C17orf107: variants seen among roughly 807,000 people sequenced by gnomAD.
The protein encoded by C17orf107 is uncharacterized protein C17orf107.
A neutral mutation model predicts 8.9 loss-of-function variants in C17orf107; 9 were observed. The ratio of observed to expected loss-of-function variants is 1.02; its 90% CI spans 0.61 to 1.77. The LOEUF (loss-of-function observed/expected upper bound fraction) is 1.77, where lower values mean the gene tolerates loss of function less well. Among genes scored for constraint, C17orf107 ranks in the 40% most tolerant of loss-of-function variants. The pLI is 0.00. For missense variants in C17orf107, 281 were observed against 249.0 expected (o/e 1.13, Z -0.86); for synonymous variants, 139 against 120.3 (o/e 1.16, Z -1.02).
Position 4,902,538 on chromosome 17 carries a change from C to T in C17orf107, c.*2005C>T. On this transcript the variant is annotated 3_prime_UTR_variant, in exon 3 of 3. Transcript: ENST00000381365. This position sits in a 1 kb window ranked among gnomAD's most constrained non-coding sequence, Gnocchi z 4.0. ...GATGATTGAAGTGAGATTTCAGGGCCAGAAGTGAGCTTTAGGACAGAGCTC... is the reference window on the plus strand; with the variant it reads ...GATGATTGAAGTGAGATTTCAGGGCTAGAAGTGAGCTTTAGGACAGAGCTC... 1 of 1,613,994 alleles carries T rather than the reference C, an allele frequency of 6.2e-7. No individual in the cohort carries two copies. The highest frequency in any genetic ancestry group is 8.5e-7 in the Non-Finnish European group (1 of 1,179,980).
Position 4,901,577 on chromosome 17 carries a change from G to A in C17orf107, c.*1044G>A, listed in dbSNP as rs2151097801. The A allele has an allele frequency of 1.2e-6, 2 of 1,614,142 alleles. No individual in the cohort carries two copies. Among genetic ancestry groups the A allele is most frequent in the Non-Finnish European group, 8.5e-7 (1 of 1,179,988 alleles). On this transcript the variant is annotated 3_prime_UTR_variant, in exon 3 of 3. Transcript: ENST00000381365. ...TCTTGTTGATGGTCTTGCCGTCGTT[G>A]TCTACGGCAAAAGTGAACTCCACCT...
downstream of C17orf107, among the ~76,000 whole-genome samples, chr17:4,904,276 G>A (rs768822057): frequency 3.3e-5 from 5 of 151,370 alleles, no homozygotes; most frequent in African/African-American, 4.9e-5. Context: ...AGTTCACTGC[G>A]GCTCTCAAAC....
chr17:4,901,639 G>A lies in C17orf107; in HGVS notation c.*1106G>A. 6.2e-7 allele frequency: 1 copy of A among 1,611,740 alleles called. No homozygotes were observed. Among genetic ancestry groups the A allele is most frequent in the South Asian group, 1.1e-5 (1 of 91,056 alleles). On this transcript the variant is annotated 3_prime_UTR_variant, in exon 3 of 3. Transcript: ENST00000381365. ...TACGTCTGAGAGCTGCGGAGCCAGG[G>A]CCGGGAGCCCACCCCAGAAGCTCTG...
At position 4,902,418 on chromosome 17, in the gene C17orf107, A is replaced by G; in HGVS notation, c.*1885A>G. The G allele has an allele frequency of 6.2e-7, 1 of 1,614,188 alleles. No individual in the cohort carries two copies. The highest frequency in any genetic ancestry group is 1.6e-4 in the Middle Eastern group (1 of 6,062). Reference sequence around the variant, plus strand: ...TGGGGGAAAAGGGGTGCCCTGGACAAGACCTCACACCATTCCCCAGATTTG... The same window carrying G: ...TGGGGGAAAAGGGGTGCCCTGGACAGGACCTCACACCATTCCCCAGATTTG... On this transcript the variant is annotated 3_prime_UTR_variant, in exon 3 of 3. Transcript: ENST00000381365. The surrounding 1 kb of genome is among the most constrained non-coding windows in gnomAD (Gnocchi z 4.0).
Position 4,901,891 on chromosome 17 carries a change from C to CGCCCG in C17orf107, c.*1358_*1359insGCCCG, listed in dbSNP as rs1555546936. On this transcript the variant is annotated 3_prime_UTR_variant, in exon 3 of 3. Transcript: ENST00000381365. Reference sequence around the variant, plus strand: ...TTGGCCCCGCCCCATAAGGCCCCCCCCCAACAATAATCGTCCGGGCCTCGG... The same window carrying CGCCCG: ...TTGGCCCCGCCCCATAAGGCCCCCCCGCCCGCCAACAATAATCGTCCGGGCCTCGG... 1 of 1,606,302 alleles carries CGCCCG rather than the reference C, an allele frequency of 6.2e-7. No homozygotes were observed.
Position 4,900,749 on chromosome 17 carries a change from C to CA in C17orf107, c.*217dup. ...GGTCTCTGGGTTTTGGCCACGCCCC[C>CA]ACCCTTCACACTGGCCACACCCCCG... On this transcript the variant is annotated 3_prime_UTR_variant, in exon 3 of 3. Coordinates refer to ENST00000381365, the MANE Select transcript of C17orf107 (RefSeq NM_001145536.2). 1 of 1,577,106 alleles carries CA rather than the reference C, an allele frequency of 6.3e-7. No homozygotes were observed. The highest frequency in any genetic ancestry group is 8.7e-7 in the Non-Finnish European group (1 of 1,155,886).
At position 4,902,911 on chromosome 17, in the gene C17orf107, C is replaced by G; in HGVS notation, c.*2378C>G. 6.3e-7 allele frequency: 1 copy of G among 1,583,732 alleles called. No homozygotes were observed. Among genetic ancestry groups the G allele is most frequent in the Non-Finnish European group, 8.7e-7 (1 of 1,153,090 alleles). ...AAACCAATTATGCTGTGCCTGGGAA[C>G]GAAATACTGTGTCTAAGTCTCCATC... On this transcript the variant is annotated 3_prime_UTR_variant, in exon 3 of 3. Coordinates refer to ENST00000381365, the MANE Select transcript of C17orf107 (RefSeq NM_001145536.2). The surrounding 1 kb of genome is among the most constrained non-coding windows in gnomAD (Gnocchi z 4.0).
Position 4,901,543 on chromosome 17 carries a change from C to T in C17orf107, c.*1010C>T, listed in dbSNP as rs774425374. 1.2e-6 allele frequency: 2 copies of T among 1,614,104 alleles called. No homozygotes were observed. The highest frequency in any genetic ancestry group is 2.2e-5 in the South Asian group (2 of 91,080). On this transcript the variant is annotated 3_prime_UTR_variant, in exon 3 of 3. Coordinates refer to ENST00000381365, the MANE Select transcript of C17orf107 (RefSeq NM_001145536.2). The stretch of plus-strand genomic sequence containing the variant: ...GCTTCACCAGTATAGGCCTCTGTGT[C>T]GATGTCGATCTTGTTGATGGTCTTG...
At position 4,900,150 on chromosome 17, in the gene C17orf107, G is replaced by C; in HGVS notation, c.276+5G>C. The C allele has an allele frequency of 3.2e-6, 5 of 1,548,566 alleles. No individual in the cohort carries two copies. The highest frequency in any genetic ancestry group is 3.3e-4 in the Middle Eastern group (2 of 5,978). On this transcript the variant is annotated splice_donor_5th_base_variant and intron_variant, in intron 2 of 2. Transcript: ENST00000381365. Reference sequence around the variant, plus strand: ...TTCGGCACCACCTTGTTAGAGGTGGGGTACTGGGGGGCTTAGGATACGCGG... The same window carrying C: ...TTCGGCACCACCTTGTTAGAGGTGGCGTACTGGGGGGCTTAGGATACGCGG...
chr17:4,900,517 G>T lies in C17orf107; in HGVS notation c.557G>T (p.Gly186Val). Reference sequence around the variant, plus strand: ...ATCCCCGGAGAACCGGTGAGCTCAGGACACGGGGTGAGTTAGGGGCCAGAG... The same window carrying T: ...ATCCCCGGAGAACCGGTGAGCTCAGTACACGGGGTGAGTTAGGGGCCAGAG... The part of the protein sequence containing the change: ...LGIPGEPVSS[G>V]HGVS The change falls in exon 3 of 3, where the codon GGA becomes GTA. Residue 186 changes from glycine to valine, a missense_variant. Physicochemically the swap from Gly to Val is moderately radical, Grantham distance 109. Transcript: ENST00000381365. 6.4e-7 allele frequency: 1 copy of T among 1,550,846 alleles called. No individual in the cohort carries two copies. Among genetic ancestry groups the T allele is most frequent in the Non-Finnish European group, 8.7e-7 (1 of 1,146,970 alleles).
Position 4,899,643 on chromosome 17 carries a change from CG to C in C17orf107, c.-119del. ...CCTCCCAGCTACCGAAGGCGCCGCG[CG>C]CTGACCTCACAAACACGGCTTCTCC... On this transcript the variant is annotated 5_prime_UTR_variant, in exon 1 of 3. The change abolishes the stop of an existing upstream ORF in the 5' untranslated region. Coordinates refer to ENST00000381365, the MANE Select transcript of C17orf107 (RefSeq NM_001145536.2). The C allele has an allele frequency of 1.4e-6, 2 of 1,465,048 alleles. No individual in the cohort carries two copies. The highest frequency in any genetic ancestry group is 2.4e-5 in the South Asian group (2 of 82,422). The allele number at this position is 1,465,048 out of a possible 1,614,324, so 90.8% of individuals were successfully genotyped here. A position where few individuals can be genotyped will look rare whatever the true frequency, so the allele number is the denominator to read the frequency against.
chr17:4,903,017 C>A (rs746199600), downstream of C17orf107: 1 of 1,614,086 alleles, frequency 6.2e-7, no homozygotes, highest in Admixed American at 1.7e-5. Flanking sequence ...CCTGTCCGTA[C>A]CGAGAAGCCC....
At chr17:4,902,962 T>G (rs1195314820), downstream of C17orf107, 5 of 1,608,776 alleles carry the variant, frequency 3.1e-6, no homozygotes, top group Non-Finnish European at 4.3e-6. This position sits in a 1 kb window ranked among gnomAD's most constrained non-coding sequence, Gnocchi z 4.0. Flanking sequence ...GTCTTCCCAG[T>G]CCCTTCATGT....
chr17:4,903,713 A>T (rs907358500), downstream of C17orf107, among the ~76,000 whole-genome samples: 3 of 152,030 alleles, frequency 2.0e-5, no homozygotes, highest in African/African-American at 7.2e-5. Context: ...TCTGGGTGGG[A>T]GACTTGTTTC....
At position 4,901,333 on chromosome 17, in the gene C17orf107, C is replaced by A. The variant is rs2151097597; in HGVS notation, c.*800C>A. 1.3e-5 allele frequency: 13 copies of A among 1,010,040 alleles called. No homozygotes were observed. In the South Asian group the frequency reaches 1.8e-4, roughly 14 times the overall value. 62.6% of individuals were successfully genotyped at this position (1,010,040 alleles called of 1,614,324 possible). A position where few individuals can be genotyped will look rare whatever the true frequency, so the allele number is the denominator to read the frequency against. ...GCAATTACGGACAGAAAAGGGCATT[C>A]TCGTTGAGGGTATGGAAAGCCAGAA... On this transcript the variant is annotated 3_prime_UTR_variant, in exon 3 of 3. Coordinates refer to ENST00000381365, the MANE Select transcript of C17orf107 (RefSeq NM_001145536.2).
In C17orf107 at chr17:4,902,389, G is replaced by A; in HGVS notation, c.*1856G>A. ...CTCCCACCTGGCGCTGCCTGGGAGGGGTTTGGGGGAAAAGGGGTGCCCTGG... is the reference window on the plus strand; with the variant it reads ...CTCCCACCTGGCGCTGCCTGGGAGGAGTTTGGGGGAAAAGGGGTGCCCTGG... On this transcript the variant is annotated 3_prime_UTR_variant, in exon 3 of 3. Coordinates refer to ENST00000381365, the MANE Select transcript of C17orf107 (RefSeq NM_001145536.2). The surrounding 1 kb of genome is among the most constrained non-coding windows in gnomAD (Gnocchi z 4.0). 1.2e-6 allele frequency: 2 copies of A among 1,613,596 alleles called. No individual in the cohort carries two copies. Among genetic ancestry groups the A allele is most frequent in the East Asian group, 4.5e-5 (2 of 44,870 alleles).
chr17:4,904,277 G>A (rs1970060746), downstream of C17orf107, among the ~76,000 whole-genome samples: 1 of 151,540 alleles, frequency 6.6e-6, no homozygotes, highest in South Asian at 2.1e-4. Context: ...GTTCACTGCG[G>A]CTCTCAAACT....
rs1339039900 is a variant in C17orf107 at position 4,901,768 on chromosome 17, C to T, written c.*1235C>T. 43 of 1,259,442 alleles carry T rather than the reference C, an allele frequency of 3.4e-5. No individual in the cohort carries two copies. The highest frequency in any genetic ancestry group is 4.8e-5 in the Non-Finnish European group (42 of 878,254). The allele number at this position is 1,259,442 out of a possible 1,614,324, so 78.0% of individuals were successfully genotyped here. The stretch of plus-strand genomic sequence containing the variant: ...AAGCCCAGCCCGCACGCCTCTGTTC[C>T]CATCTGTACCTCCGGCCGCGCTGGA... On this transcript the variant is annotated 3_prime_UTR_variant, in exon 3 of 3. Coordinates refer to ENST00000381365, the MANE Select transcript of C17orf107 (RefSeq NM_001145536.2).
At chr17:4,904,641 G>A (rs1448673623), downstream of C17orf107, among the ~76,000 whole-genome samples, 2 of 152,100 alleles carry the variant, frequency 1.3e-5, no homozygotes, top group African/African-American at 4.8e-5. Flanking sequence ...GGGATCCAGG[G>A]TCACACAAGT....
Sources: gnomAD v4.1 joint callset for allele counts (sites outside exome capture counted in the v4.1 genomes callset) on GRCh38, gnomAD v4.1.1 for gene constraint, Gnocchi (gnomAD v3.1) non-coding constraint, MANE v1.5 for transcripts, NCBI Gene and HGNC (gene_info 2026-07-23, HGNC 2026-07-21) for gene names.